Variants in ROBO2 observed in about 807,000 individuals in gnomAD.
ROBO2 encodes the protein roundabout guidance receptor 2.
In ROBO2, 53 loss-of-function variants were observed where a neutral mutation model predicts 160.8. The observed-to-expected ratio is 0.33, with a 90% CI of 0.26 to 0.41. ROBO2 has a LOEUF of 0.41. ROBO2 is among the 10% of genes least tolerant of loss of function. The pLI is 1.00. For missense variants in ROBO2, 1,577 were observed against 1,722.4 expected (o/e 0.92, Z 1.49); for synonymous variants, 664 against 611.7 (o/e 1.09, Z -1.26).
At chr3:77,465,329 T>G (rs570741751) in intron 2 of ROBO2, among the ~76,000 whole-genome samples, 87 of 152,288 alleles carry the variant, frequency 5.7e-4, no homozygotes, top group Middle Eastern at 3.4e-3. Context: ...TCAAACCATC[T>G]CATGCAGCTA....
chr3:77,468,658 T>C (rs1014312704), intron 2 of ROBO2, among the ~76,000 whole-genome samples: 2 of 152,156 alleles, frequency 1.3e-5, no homozygotes, highest in Non-Finnish European at 2.9e-5. Context: ...TGAATTATGT[T>C]TGTGTTTGTG....
intron 2 of ROBO2, among the ~76,000 whole-genome samples, chr3:76,259,195 G>T (rs569553142): frequency 3.2e-4 from 48 of 151,932 alleles, no homozygotes; most frequent in Non-Finnish European, 2.8e-4. Context: ...CTTATTTCAG[G>T]AAAAATAGGA....
At chr3:77,294,573 T>G (rs1162351868) in intron 2 of ROBO2, among the ~76,000 whole-genome samples, 5 of 144,380 alleles carry the variant, frequency 3.5e-5, no homozygotes, top group African/African-American at 1.4e-4. Flanking sequence ...AAATTGACGG[T>G]TAAACAGGTA....
At chr3:77,146,956 G>T (rs1315905743) in intron 2 of ROBO2, among the ~76,000 whole-genome samples, 3 of 152,116 alleles carry the variant, frequency 2.0e-5, no homozygotes. Flanking sequence ...GACAGAGCGA[G>T]ACTCTGTCTC....
chr3:76,560,616 CA>C (rs1160642120), intron 2 of ROBO2, among the ~76,000 whole-genome samples: 3,157 of 107,936 alleles, frequency 0.029, 27 homozygotes, highest in African/African-American at 0.037. Context: ...TCTGATTTCA[CA>C]AAAAAAAAAA....
intron 2 of ROBO2, among the ~76,000 whole-genome samples, chr3:77,006,915 G>A (rs1313695284): frequency 1.3e-5 from 2 of 152,102 alleles, no homozygotes; most frequent in Non-Finnish European, 2.9e-5. Context: ...CCTCTCTTAG[G>A]ATGAATGAGG....
chr3:77,625,601 C>T (rs980195252), intron 23 of ROBO2, among the ~76,000 whole-genome samples: 3 of 152,140 alleles, frequency 2.0e-5, no homozygotes, highest in African/African-American at 7.2e-5. Flanking sequence ...GGGTCTTGAT[C>T]TCTTGACCTC....
intron 2 of ROBO2, among the ~76,000 whole-genome samples, chr3:76,121,375 G>A (rs895099184): frequency 1.3e-5 from 2 of 152,100 alleles, no homozygotes; most frequent in Non-Finnish European, 1.5e-5. Context: ...ACATAGCAAA[G>A]CATCTGTGTG....
chr3:77,242,248 A>T (rs146245481), intron 2 of ROBO2, among the ~76,000 whole-genome samples: 58 of 152,272 alleles, frequency 3.8e-4, no homozygotes, highest in African/African-American at 1.4e-3. Flanking sequence ...AAAAGGCAGA[A>T]TCATGGCTTT....
At chr3:76,062,698 A>G (rs1025253499) in intron 2 of ROBO2, among the ~76,000 whole-genome samples, 3 of 152,182 alleles carry the variant, frequency 2.0e-5, no homozygotes, top group Admixed American at 2.0e-4. Context: ...ACAGTATTCA[A>G]AGAAGTGCAG....
At position 77,225,735 on chromosome 3, in the gene ROBO2, A is replaced by G. The variant is rs2086413364; in HGVS notation, c.388+127395A>G. Reference sequence around the variant, plus strand: ...AATTGCATGTAATAGTGTATTAAATACACTTAATAGTGTAAAAAAAGACTC... The same window carrying G: ...AATTGCATGTAATAGTGTATTAAATGCACTTAATAGTGTAAAAAAAGACTC... On this transcript the variant is annotated intron_variant, in intron 2 of 25. Transcript: ENST00000461745. 1.3e-5 allele frequency among the ~76,000 whole-genome samples: 2 copies of G among 152,106 alleles called. 1 individual carries two copies. The highest frequency in any genetic ancestry group is 1.3e-4 in the Admixed American group (2 of 15,276).
chr3:76,695,927 A>T (rs1365498819), intron 2 of ROBO2, among the ~76,000 whole-genome samples: 1 of 152,146 alleles, frequency 6.6e-6, no homozygotes, highest in Non-Finnish European at 1.5e-5. Flanking sequence ...TGATTTTTTT[A>T]AAAATACCTT....
rs150132100 is a variant in ROBO2, at chr3:76,020,428, A to C, written c.109+82826A>C. On this transcript the variant is annotated intron_variant, in intron 2 of 26. Coordinates refer to the ROBO2 transcript ENST00000487694. Reference sequence around the variant, plus strand: ...GCTTCGTATGTTCCTCTTTTGCTTCATCGCTTTTACTTTTTATCACTTTTT... The same window carrying C: ...GCTTCGTATGTTCCTCTTTTGCTTCCTCGCTTTTACTTTTTATCACTTTTT... Among the ~76,000 whole-genome samples the C allele has an allele frequency of 1.4e-3, 205 of 151,688 alleles. 2 individuals are homozygous for C. The highest frequency in any genetic ancestry group is 3.7e-4 in the Non-Finnish European group (25 of 67,758).
chr3:76,521,888 TC>T (rs2081639917), intron 2 of ROBO2, among the ~76,000 whole-genome samples: 1 of 152,194 alleles, frequency 6.6e-6, no homozygotes, highest in Non-Finnish European at 1.5e-5. Context: ...GGAAAGGTGA[TC>T]AATGTTTATA....
intron 2 of ROBO2, among the ~76,000 whole-genome samples, chr3:77,360,238 T>C (rs1412702685): frequency 6.7e-6 from 1 of 148,406 alleles, no homozygotes; most frequent in Non-Finnish European, 1.5e-5. Flanking sequence ...TTGCAACAGT[T>C]AGAATGTAAT....
At chr3:77,414,092 G>GA (rs532679995) in intron 2 of ROBO2, among the ~76,000 whole-genome samples, 24 of 151,710 alleles carry the variant, frequency 1.6e-4, no homozygotes, top group African/African-American at 4.6e-4. Context: ...AGGAGACTGA[G>GA]AAAAAAAGAA....
At chr3:77,570,101 C>T (rs954922044) in intron 13 of ROBO2, among the ~76,000 whole-genome samples, 26 of 152,040 alleles carry the variant, frequency 1.7e-4, no homozygotes, top group East Asian at 3.9e-4. Flanking sequence ...CAAAATACTA[C>T]GCTGTATTTT....
At chr3:76,149,909 AC>A (rs1174795185) in intron 2 of ROBO2, among the ~76,000 whole-genome samples, 2 of 150,202 alleles carry the variant, frequency 1.3e-5, no homozygotes, top group African/African-American at 4.9e-5. Flanking sequence ...TCTAAAACAC[AC>A]ATCTGTCTAA....
rs570374616 is a variant in ROBO2, at chr3:76,342,928, C to T, written c.109+405326C>T. 2.6e-5 allele frequency among the ~76,000 whole-genome samples: 4 copies of T among 152,150 alleles called. No homozygotes were observed. In the South Asian group the frequency reaches 6.2e-4, roughly 24 times the overall value. Reference sequence around the variant, plus strand: ...AATTTTATGTAACTACAGAATGATGCAATTTCATTAAAATTGATTATTATA... The same window carrying T: ...AATTTTATGTAACTACAGAATGATGTAATTTCATTAAAATTGATTATTATA... On this transcript the variant is annotated intron_variant, in intron 2 of 26. Transcript: ENST00000487694.
Sources: gnomAD v4.1 joint callset for allele counts (sites outside exome capture counted in the v4.1 genomes callset) on GRCh38, gnomAD v4.1.1 for gene constraint, MANE v1.5 for transcripts, NCBI Gene and HGNC (gene_info 2026-07-23, HGNC 2026-07-21) for gene names.